The following SLC35F3 variants were observed in gnomAD, a reference collection of about 807,000 sequenced individuals.
SLC35F3 encodes the protein putative thiamine transporter SLC35F3.
A neutral mutation model predicts 49.9 loss-of-function variants in SLC35F3; 25 were observed. That is an observed-to-expected ratio of 0.50 (90% CI 0.37 to 0.70). The LOEUF is 0.70. Ranked by LOEUF, SLC35F3 falls within the 30% of genes least tolerant of loss-of-function variation. SLC35F3 has a pLI of 0.00. For synonymous variants in SLC35F3, 275 were observed against 265.4 expected (o/e 1.04, Z -0.35); for missense variants, 525 against 639.8 (o/e 0.82, Z 1.94).
At chr1:234,209,573 T>G (rs1222327288) in intron 2 of SLC35F3, among the ~76,000 whole-genome samples, 1 of 152,122 alleles carries the variant, frequency 6.6e-6, no homozygotes, top group Non-Finnish European at 1.5e-5. Context: ...AACTCCTGAT[T>G]TGAAAAGGAG....
intron 2 of SLC35F3, among the ~76,000 whole-genome samples, chr1:233,910,812 C>G (rs964117178): frequency 2.0e-5 from 3 of 152,082 alleles, no homozygotes; most frequent in African/African-American, 7.2e-5. Flanking sequence ...ACTACAGGTT[C>G]TGGTATGTTG....
At chr1:234,002,580 A>G (rs894169405) in intron 2 of SLC35F3, among the ~76,000 whole-genome samples, 2 of 152,176 alleles carry the variant, frequency 1.3e-5, no homozygotes, top group Non-Finnish European at 2.9e-5. Context: ...TGTCCAGGTT[A>G]CATGCTACCC....
intron 2 of SLC35F3, among the ~76,000 whole-genome samples, chr1:234,218,578 CT>C (rs1023409370): frequency 3.7e-4 from 56 of 152,266 alleles, no homozygotes; most frequent in African/African-American, 1.3e-3. Flanking sequence ...TGTTATCCAA[CT>C]TTATAGATAA....
chr1:234,132,455 A>G (rs965495823), intron 2 of SLC35F3, among the ~76,000 whole-genome samples: 3 of 152,222 alleles, frequency 2.0e-5, no homozygotes, highest in African/African-American at 7.2e-5. Context: ...TGTGCGGCCA[A>G]GTTTGCATCC....
chr1:234,174,842 G>C (rs1666452133), intron 2 of SLC35F3, among the ~76,000 whole-genome samples: 1 of 152,202 alleles, frequency 6.6e-6, no homozygotes, highest in African/African-American at 2.4e-5. Flanking sequence ...CAAGGGCACT[G>C]TTCTTTACCT....
intron 3 of SLC35F3, among the ~76,000 whole-genome samples, chr1:234,262,405 A>G (rs2102968979): frequency 6.6e-6 from 1 of 152,352 alleles, no homozygotes; most frequent in East Asian, 1.9e-4. Flanking sequence ...CTTTGAGAAT[A>G]CATGCATTAA....
intron 2 of SLC35F3, among the ~76,000 whole-genome samples, chr1:233,980,451 T>C (rs1203664367): frequency 6.6e-6 from 1 of 152,210 alleles, no homozygotes; most frequent in African/African-American, 2.4e-5. Context: ...CTGCAAGGCC[T>C]GTGTCTCCCC....
chr1:234,237,686 A>T (rs1053789367), intron 3 of SLC35F3, among the ~76,000 whole-genome samples: 14 of 152,126 alleles, frequency 9.2e-5, no homozygotes, highest in African/African-American at 2.7e-4. Context: ...CCCTCATCCT[A>T]GGAGAGAGAT....
chr1:234,006,273 A>G (rs949255806), intron 2 of SLC35F3, among the ~76,000 whole-genome samples: 1 of 152,176 alleles, frequency 6.6e-6, no homozygotes, highest in Non-Finnish European at 1.5e-5. Context: ...CTATGAACCA[A>G]GCCACGTAAG....
intron 2 of SLC35F3, among the ~76,000 whole-genome samples, chr1:234,097,103 G>A (rs1362422658): frequency 1.3e-5 from 2 of 151,992 alleles, no homozygotes; most frequent in African/African-American, 4.8e-5. Flanking sequence ...TGGTCAGGCT[G>A]GTCTCGAACT....
At chr1:234,299,459 T>G (rs1171024882) in intron 3 of SLC35F3, among the ~76,000 whole-genome samples, 1 of 151,904 alleles carries the variant, frequency 6.6e-6, no homozygotes, top group Non-Finnish European at 1.5e-5. Flanking sequence ...CAGAAGAAAA[T>G]GACATCATTC....
At chr1:234,026,354 T>A (rs1663978557) in intron 2 of SLC35F3, among the ~76,000 whole-genome samples, 1 of 152,228 alleles carries the variant, frequency 6.6e-6, no homozygotes, top group South Asian at 2.1e-4. Flanking sequence ...GATAAATTAC[T>A]GGTATGTTAA....
chr1:234,114,964 G>A (rs1316978150), intron 2 of SLC35F3, among the ~76,000 whole-genome samples: 2 of 152,158 alleles, frequency 1.3e-5, no homozygotes, highest in Non-Finnish European at 2.9e-5. Context: ...AAGGGGACCG[G>A]GTATTGAGTT....
chr1:234,177,346 A>AGT (rs1307968738), intron 2 of SLC35F3, among the ~76,000 whole-genome samples: 4 of 152,348 alleles, frequency 2.6e-5, no homozygotes, highest in East Asian at 3.9e-4. Context: ...GGGCTAATAC[A>AGT]GTGGTCTTCT....
At position 233,963,172 on chromosome 1, in the gene SLC35F3, GGTCACT is replaced by G. The variant is rs541653924; in HGVS notation, c.283+57419_283+57424del. Among the ~76,000 whole-genome samples, 32 of 152,230 alleles carry G rather than the reference GGTCACT, an allele frequency of 2.1e-4. 1 individual carries two copies. The East Asian group carries it at 5.4e-3, about 26-fold the overall frequency. On this transcript the variant is annotated intron_variant, in intron 2 of 7. Coordinates refer to ENST00000366618, the MANE Select transcript of SLC35F3 (RefSeq NM_173508.4). ...TTCGTTTTGTACATTTTAAGTGATA[GGTCACT>G]GTCAATGTTGGGGGTGGGTACTTCT...
chr1:234,110,902 C>A (rs1480905843), intron 2 of SLC35F3, among the ~76,000 whole-genome samples: 1 of 152,010 alleles, frequency 6.6e-6, no homozygotes, highest in Admixed American at 6.6e-5. Context: ...AAGGTGGATC[C>A]ACATTATGGA....
chr1:234,108,144 T>G (rs1314386760), intron 2 of SLC35F3, among the ~76,000 whole-genome samples: 4 of 147,430 alleles, frequency 2.7e-5, no homozygotes, highest in African/African-American at 2.5e-5. Context: ...GTGACCAACC[T>G]TGTGCAACAT....
At chr1:234,028,847 T>C (rs924248766) in intron 2 of SLC35F3, among the ~76,000 whole-genome samples, 1 of 152,064 alleles carries the variant, frequency 6.6e-6, no homozygotes, top group African/African-American at 2.4e-5. Context: ...GTGGGCAGGC[T>C]AGAATCAGGA....
chr1:233,948,696 A>G (rs1481715148), intron 2 of SLC35F3, among the ~76,000 whole-genome samples: 4 of 151,898 alleles, frequency 2.6e-5, no homozygotes, highest in South Asian at 2.1e-4. Context: ...ATATCTCCCA[A>G]TGCCATCCCT....
Sources: gnomAD v4.1 joint callset for allele counts (sites outside exome capture counted in the v4.1 genomes callset) on GRCh38, gnomAD v4.1.1 for gene constraint, MANE v1.5 for transcripts, NCBI Gene and HGNC (gene_info 2026-07-23, HGNC 2026-07-21) for gene names.